The following KIF6 variants were observed in gnomAD, a reference collection of about 807,000 sequenced individuals.
KIF6 encodes the protein kinesin family member 6.
A neutral mutation model predicts 112.7 loss-of-function variants in KIF6; 106 were observed. The observed-to-expected ratio is 0.94, with a 90% CI of 0.80 to 1.11. The LOEUF is 1.11. Among genes scored for constraint, KIF6 ranks in the 50% least tolerant of loss-of-function variants. The probability of loss-of-function intolerance (pLI) is 0.00; values close to 1 mark genes in which losing one functional copy is unlikely to be tolerated. For synonymous variants in KIF6, 339 were observed against 339.9 expected (o/e 1.00, Z 0.03); for missense variants, 929 against 964.0 (o/e 0.96, Z 0.48).
chr6:39,672,644 G>T (rs1786891160), intron 3 of KIF6, among the ~76,000 whole-genome samples: 1 of 152,118 alleles, frequency 6.6e-6, no homozygotes, highest in South Asian at 2.1e-4. Flanking sequence ...CACAATCAAG[G>T]CTTGACAGGG....
chr6:39,676,758 A>C (rs1425005094), intron 3 of KIF6, among the ~76,000 whole-genome samples: 1 of 152,110 alleles, frequency 6.6e-6, no homozygotes, highest in Non-Finnish European at 1.5e-5. Context: ...AGAAAGTACA[A>C]AATTTTCAAA....
rs901031359 is a variant in KIF6 at position 39,333,665 on chromosome 6, A to G, written c.*2867T>C. 3.9e-5 allele frequency: 6 copies of G among 152,246 alleles called. No individual in the cohort carries two copies. Among genetic ancestry groups the G allele is most frequent in the Admixed American group, 3.9e-4 (6 of 15,290 alleles). 9.4% of individuals were successfully genotyped at this position (152,246 alleles called of 1,614,324 possible). A position where few individuals can be genotyped will look rare whatever the true frequency, so the allele number is the denominator to read the frequency against. On this transcript the variant is annotated 3_prime_UTR_variant, in exon 23 of 23. Coordinates refer to ENST00000287152, the MANE Select transcript of KIF6 (RefSeq NM_145027.6). ...ATACTGGTGGTGAAGAATTAAAATG[A>G]TGTATTCAGTATACCACAATTTCTC...
chr6:39,441,193 C>T (rs1055911512), intron 13 of KIF6, among the ~76,000 whole-genome samples: 2 of 152,194 alleles, frequency 1.3e-5, no homozygotes, highest in African/African-American at 4.8e-5. Context: ...TCAATCTCAG[C>T]ATCTTTCCTG....
At chr6:39,534,136 ACT>A (rs1228085070) in intron 13 of KIF6, among the ~76,000 whole-genome samples, 1 of 152,116 alleles carries the variant, frequency 6.6e-6, no homozygotes, top group African/African-American at 2.4e-5. Flanking sequence ...AAAACTGGAA[ACT>A]CTAAAAAGCA....
chr6:39,560,647 A>G (rs1002430032), intron 10 of KIF6, among the ~76,000 whole-genome samples: 1 of 152,164 alleles, frequency 6.6e-6, no homozygotes, highest in Non-Finnish European at 1.5e-5. Context: ...TGTGACAGGT[A>G]GAATTTTGAC....
At chr6:39,470,334 A>T (rs1774044897) in intron 13 of KIF6, among the ~76,000 whole-genome samples, 1 of 152,210 alleles carries the variant, frequency 6.6e-6, no homozygotes, top group African/African-American at 2.4e-5. Flanking sequence ...GAGCCGTACA[A>T]TGTGATTAAG....
intron 3 of KIF6, among the ~76,000 whole-genome samples, chr6:39,666,037 G>A (rs1391497802): frequency 6.6e-6 from 1 of 152,148 alleles, no homozygotes; most frequent in African/African-American, 2.4e-5. Flanking sequence ...AGGCAAATGT[G>A]GTTTTAATTC....
chr6:39,527,820 T>C (rs1405792300), intron 13 of KIF6, among the ~76,000 whole-genome samples: 1 of 152,236 alleles, frequency 6.6e-6, no homozygotes, highest in Non-Finnish European at 1.5e-5. Flanking sequence ...TATTATTCTT[T>C]TTTTAACTTG....
At chr6:39,699,712 A>T (rs1183908763) in intron 3 of KIF6, among the ~76,000 whole-genome samples, 2 of 152,184 alleles carry the variant, frequency 1.3e-5, no homozygotes, top group Non-Finnish European at 2.9e-5. Context: ...TAATATAGGG[A>T]TAACATAATT....
At chr6:39,383,813 T>C (rs988400116) in intron 16 of KIF6, among the ~76,000 whole-genome samples, 1 of 152,236 alleles carries the variant, frequency 6.6e-6, no homozygotes. Context: ...TTTGTTTGTG[T>C]TGTCTATGAT....
chr6:39,687,940 C>T (rs912970565), intron 3 of KIF6, among the ~76,000 whole-genome samples: 1 of 152,142 alleles, frequency 6.6e-6, no homozygotes, highest in African/African-American at 2.4e-5. Context: ...CATAGAGGGT[C>T]TTGTGACAAA....
chr6:39,336,843 C>A (rs546015781), intron 22 of KIF6, among the ~76,000 whole-genome samples: 1 of 151,456 alleles, frequency 6.6e-6, no homozygotes, highest in Non-Finnish European at 1.5e-5. Context: ...GCTCTGTCAC[C>A]GAGGCTGGAG....
intron 13 of KIF6, among the ~76,000 whole-genome samples, chr6:39,524,882 G>A (rs1777616361): frequency 6.6e-6 from 1 of 152,180 alleles, no homozygotes; most frequent in South Asian, 2.1e-4. Flanking sequence ...CTAATATATG[G>A]GGAAATGCAA....
chr6:39,377,729 T>G (rs1375512536), intron 16 of KIF6, among the ~76,000 whole-genome samples: 1 of 152,158 alleles, frequency 6.6e-6, no homozygotes, highest in Non-Finnish European at 1.5e-5. Flanking sequence ...AGCCAGCAGC[T>G]TCAGAGCCTC....
At chr6:39,425,131 G>C (rs1015216550) in intron 14 of KIF6, among the ~76,000 whole-genome samples, 1 of 152,184 alleles carries the variant, frequency 6.6e-6, no homozygotes, top group East Asian at 1.9e-4. Context: ...TCGTTCAGCA[G>C]CCACTCAGTC....
chr6:39,717,566 G>A (rs1241484368), intron 2 of KIF6, among the ~76,000 whole-genome samples: 1 of 151,588 alleles, frequency 6.6e-6, no homozygotes, highest in East Asian at 1.9e-4. Context: ...CCCCTTCTTT[G>A]TCACACTTTT....
chr6:39,643,363 A>G (rs1363411908), intron 3 of KIF6, among the ~76,000 whole-genome samples: 1 of 152,228 alleles, frequency 6.6e-6, no homozygotes, highest in East Asian at 1.9e-4. Flanking sequence ...GAATAGCTAA[A>G]ACAATCTTGA....
At chr6:39,636,043 G>C (rs1215355690) in intron 4 of KIF6, among the ~76,000 whole-genome samples, 2 of 151,932 alleles carry the variant, frequency 1.3e-5, no homozygotes, top group Admixed American at 1.3e-4. Flanking sequence ...AGAGGACCAA[G>C]TCACAGAGAT....
intron 13 of KIF6, among the ~76,000 whole-genome samples, chr6:39,441,276 T>C (rs968101590): frequency 6.6e-6 from 1 of 152,338 alleles, no homozygotes. Flanking sequence ...ATCCCTGGCA[T>C]AGAAGCTCTT....
Sources: allele counts gnomAD v4.1 joint callset (sites outside exome capture counted in the v4.1 genomes callset), GRCh38; gene constraint gnomAD v4.1.1; transcripts MANE v1.5; gene names NCBI Gene and HGNC (gene_info 2026-07-23, HGNC 2026-07-21).